The following TIMM17A variants were observed in gnomAD, a reference collection of about 807,000 sequenced individuals.
The protein encoded by TIMM17A is mitochondrial import inner membrane translocase subunit Tim17-A.
TIMM17A carries 15 observed loss-of-function variants against 26.5 expected under a neutral mutation model. The ratio of observed to expected loss-of-function variants is 0.57; its 90% confidence interval spans 0.38 to 0.87. TIMM17A has a LOEUF of 0.87. Among genes scored for constraint, TIMM17A ranks in the 40% least tolerant of loss-of-function variants. The pLI is 0.00. For synonymous variants in TIMM17A, 80 were observed against 70.8 expected (o/e 1.13, Z -0.66); for missense variants, 201 against 210.0 (o/e 0.96, Z 0.27).
At chr1:201,965,758 C>T (rs1451304331) in intron 5 of TIMM17A, among the ~76,000 whole-genome samples, 1 of 152,068 alleles carries the variant, frequency 6.6e-6, no homozygotes, top group East Asian at 1.9e-4. Flanking sequence ...CTTTATAGTA[C>T]TTAGGGTTTA....
chr1:201,959,121 C>T (rs1682477159), intron 3 of TIMM17A, among the ~76,000 whole-genome samples: 1 of 152,228 alleles, frequency 6.6e-6, no homozygotes, highest in Non-Finnish European at 1.5e-5. Context: ...CTGCTTCTAT[C>T]ACCTTACGCA....
chr1:201,965,533 G>A lies in TIMM17A; in HGVS notation c.420G>A (p.Gln140=), dbSNP rs1682612405. Reference sequence around the variant, plus strand: ...TGTTGACAAGATTTGCCTCTGCACAGTTTCCCAATGGTGAGTCTTTTTGCT... The same window carrying A: ...TGTTGACAAGATTTGCCTCTGCACAATTTCCCAATGGTGAGTCTTTTTGCT... ...GILLTRFASA[Q]FPNGPQFAED... is the part of the protein sequence containing the mutation. Residue 140 remains glutamine (Q), a synonymous_variant, in exon 5 of 6, where the codon CAG becomes CAA. Transcript: ENST00000367287. 6.2e-7 allele frequency: 1 copy of A among 1,607,040 alleles called. No homozygotes were observed. Among genetic ancestry groups the A allele is most frequent in the Non-Finnish European group, 8.5e-7 (1 of 1,173,674 alleles).
At chr1:201,965,576 C>A in intron 5 of TIMM17A, 33 bp downstream of exon 5, 1 of 1,336,174 alleles carries the variant, frequency 7.5e-7, no homozygotes, top group Non-Finnish European at 1.1e-6. Flanking sequence ...ATAGCTCAAA[C>A]ATTTTGGAAT....
chr1:201,969,314 T>C (rs555802943), intron 5 of TIMM17A, among the ~76,000 whole-genome samples, 155 bp from the exon 6 acceptor site: 43 of 152,362 alleles, frequency 2.8e-4, no homozygotes, highest in African/African-American at 7.9e-4. Flanking sequence ...AGTACTCTTA[T>C]GGGAATTAGG....
intron 3 of TIMM17A, among the ~76,000 whole-genome samples, chr1:201,961,066 CTTT>C (rs71141429): frequency 2.2e-5 from 3 of 136,056 alleles, no homozygotes; most frequent in Non-Finnish European, 3.1e-5. Flanking sequence ...CTTATATTTT[CTTT>C]TTTTTTTTTT....
chr1:201,961,048 A>ACT (rs1298756271), intron 3 of TIMM17A, among the ~76,000 whole-genome samples: 1 of 146,362 alleles, frequency 6.8e-6, no homozygotes, highest in African/African-American at 2.5e-5. Context: ...CCACGCCCGG[A>ACT]CTTAGGTCTT....
At chr1:201,956,840 C>T (rs1682420652) in intron 1 of TIMM17A, among the ~76,000 whole-genome samples, 1 of 151,736 alleles carries the variant, frequency 6.6e-6, no homozygotes, top group South Asian at 2.1e-4. Flanking sequence ...CCTGTAGTCC[C>T]AGCTACTTGG....
At chr1:201,959,895 G>A (rs898629784) in intron 3 of TIMM17A, among the ~76,000 whole-genome samples, 4 of 152,026 alleles carry the variant, frequency 2.6e-5, no homozygotes, top group Admixed American at 2.0e-4. Flanking sequence ...CGGCTCCTTG[G>A]GAGGCTGAGG....
At chr1:201,962,646 G>T (rs575557699) in intron 3 of TIMM17A, 1 of 152,168 alleles carries the variant, frequency 6.6e-6, no homozygotes, top group Non-Finnish European at 1.5e-5. Flanking sequence ...TACCGCACCT[G>T]GCTGTTTTTG....
At chr1:201,960,188 C>T (rs573737482) in intron 3 of TIMM17A, among the ~76,000 whole-genome samples, 1 of 151,930 alleles carries the variant, frequency 6.6e-6, no homozygotes, top group Non-Finnish European at 1.5e-5. Context: ...TACCTAAGGT[C>T]GAGAGTTCGA....
At chr1:201,958,383 T>C (rs1362963432) in intron 3 of TIMM17A, among the ~76,000 whole-genome samples, 1 of 152,208 alleles carries the variant, frequency 6.6e-6, no homozygotes, top group Non-Finnish European at 1.5e-5. Context: ...TGACAAAAAA[T>C]GTTTGTAGGT....
intron 3 of TIMM17A, chr1:201,962,322 C>T (rs1429426707): frequency 6.6e-6 from 1 of 152,130 alleles, no homozygotes; most frequent in Non-Finnish European, 1.5e-5. Flanking sequence ...TGCTATACTC[C>T]ACTGGTACTA....
At position 201,969,507 on chromosome 1, in the gene TIMM17A, A is replaced by G. The variant is rs1186799477; in HGVS notation, c.469A>G (p.Thr157Ala). Residue 157 changes from threonine (T) to alanine (A), a missense_variant, in exon 6 of 6, where the codon ACT becomes GCT. Coordinates refer to ENST00000367287, the MANE Select transcript of TIMM17A (RefSeq NM_006335.3). ...AGAAGACCCCTCCCAGTTGCCTTCAACTCAGTTACCTTCCTCACCTTTTGG... is the reference window on the plus strand; with the variant it reads ...AGAAGACCCCTCCCAGTTGCCTTCAGCTCAGTTACCTTCCTCACCTTTTGG... ...FAEDPSQLPS[T>A]QLPSSPFGDY... is the part of the protein sequence containing the mutation. 1 of 1,613,984 alleles carries G rather than the reference A, an allele frequency of 6.2e-7. No individual in the cohort carries two copies. The highest frequency in any genetic ancestry group is 1.1e-5 in the South Asian group (1 of 91,072).
chr1:201,968,620 C>T (rs996008921), intron 5 of TIMM17A, among the ~76,000 whole-genome samples: 4 of 151,822 alleles, frequency 2.6e-5, no homozygotes, highest in South Asian at 2.1e-4. Flanking sequence ...GTGATCTGCC[C>T]GCCTCAACCT....
chr1:201,959,283 G>A (rs1237147650), intron 3 of TIMM17A, among the ~76,000 whole-genome samples: 1 of 151,980 alleles, frequency 6.6e-6, no homozygotes. Flanking sequence ...TTGAACCCAG[G>A]AGGTGGAGTT....
rs61821487 is a variant in TIMM17A at position 201,957,275 on chromosome 1, T to A, written c.27-6T>A. ...AATATGGTCTTTTTTTTCCCCCTGTTCTTAGCCCATGGCGAATTGTGGATG... is the reference window on the plus strand; with the variant it reads ...AATATGGTCTTTTTTTTCCCCCTGTACTTAGCCCATGGCGAATTGTGGATG... On this transcript the variant is annotated splice_region_variant and splice_polypyrimidine_tract_variant and intron_variant, in intron 1 of 5. Transcript: ENST00000367287. The A allele has an allele frequency of 2.5e-6, 4 of 1,588,048 alleles. No individual in the cohort carries two copies. The Admixed American group carries it at 5.1e-5, about 20-fold the overall frequency.
intron 4 of TIMM17A, among the ~76,000 whole-genome samples, chr1:201,964,659 T>TTTTTTTTTTTTTTTTTTTTTC (rs1682594795): frequency 7.4e-6 from 1 of 134,976 alleles, no homozygotes; most frequent in Non-Finnish European, 1.6e-5. Flanking sequence ...TTTTTTTTTT[T>TTTTTTTTTTTTTTTTTTTTTC]TTTTTTTGAG....
chr1:201,959,279 C>A (rs942021708), intron 3 of TIMM17A, among the ~76,000 whole-genome samples: 2 of 151,830 alleles, frequency 1.3e-5, no homozygotes, highest in Non-Finnish European at 2.9e-5. Context: ...TCGCTTGAAC[C>A]CAGGAGGTGG....
chr1:201,963,893 G>A, intron 4 of TIMM17A, 149 bp downstream of exon 4: 1 of 887,280 alleles, frequency 1.1e-6, no homozygotes, highest in South Asian at 2.6e-5. Flanking sequence ...GGGAGGCTGA[G>A]GCAGGTAGAT....
Sources: allele counts gnomAD v4.1 joint callset (sites outside exome capture counted in the v4.1 genomes callset), GRCh38; gene constraint gnomAD v4.1.1; transcripts MANE v1.5; gene names NCBI Gene and HGNC (gene_info 2026-07-23, HGNC 2026-07-21).